SCN10A: variants seen among roughly 807,000 people sequenced by gnomAD.
SCN10A encodes the protein sodium voltage-gated channel alpha subunit 10, also known as sodium channel protein type 10 subunit alpha.
SCN10A carries 162 observed loss-of-function variants against 170.7 expected under a neutral mutation model. That is an observed-to-expected ratio of 0.95 (90% CI 0.84 to 1.08). The LOEUF (loss-of-function observed/expected upper bound fraction) is 1.08, where lower values mean the gene tolerates loss of function less well. Among genes scored for constraint, SCN10A ranks in the 50% least tolerant of loss-of-function variants. The pLI is 0.00. For synonymous variants in SCN10A, 985 were observed against 904.6 expected, an observed-to-expected ratio of 1.09 and a Z score of -1.59; for missense variants, 2,527 against 2,436.9, an observed-to-expected ratio of 1.04 and a Z score of -0.78.
Position 38,698,547 on chromosome 3 carries a change from G to T in SCN10A, c.4673C>A (p.Ala1558Glu). ...VLSIASLIFSAILKSLQSYFS... is the reference protein window; with the variant it reads ...VLSIASLIFSEILKSLQSYFS... Reference sequence around the variant, plus strand: ...GTAACTTTGAAGTGACTTAAGAATTGCAGAAAAAATCAGGCCTTTAAAAGA... The same window carrying T: ...GTAACTTTGAAGTGACTTAAGAATTTCAGAAAAAATCAGGCCTTTAAAAGA... Residue 1558 changes from alanine (A) to glutamate (E), a missense_variant, in exon 28 of 28, where the codon GCA becomes GAA. By Grantham distance (107) the Ala-to-Glu change is moderately radical. Coordinates refer to ENST00000449082, the MANE Select transcript of SCN10A (RefSeq NM_006514.4). The T allele has an allele frequency of 1.2e-6, 2 of 1,608,824 alleles. No homozygotes were observed. The highest frequency in any genetic ancestry group is 2.2e-5 in the South Asian group (2 of 90,858).
At chr3:38,745,721 C>T (rs962444143) in intron 13 of SCN10A, among the ~76,000 whole-genome samples, 2 of 152,070 alleles carry the variant, frequency 1.3e-5, no homozygotes, top group Admixed American at 1.3e-4. Flanking sequence ...GTGACTAAAG[C>T]CCCTGGACCT....
chr3:38,717,689 C>T (rs534302559), intron 21 of SCN10A, among the ~76,000 whole-genome samples: 1 of 152,358 alleles, frequency 6.6e-6, no homozygotes, highest in East Asian at 1.9e-4. Flanking sequence ...GAGGCAAGCA[C>T]CAAATACAGA....
chr3:38,763,715 G>A lies in SCN10A; in HGVS notation c.600-119C>T, dbSNP rs915705626. ...AGAAAGGATGCAGAATGGACACTTAGAATCTAGTGACACTGCCATCTATAG... is the reference window on the plus strand; with the variant it reads ...AGAAAGGATGCAGAATGGACACTTAAAATCTAGTGACACTGCCATCTATAG... On this transcript the variant is annotated intron_variant, in intron 5 of 27. Transcript: ENST00000449082. 8.5e-6 allele frequency: 6 copies of A among 708,982 alleles called. No individual in the cohort carries two copies. In the African/African-American group the frequency reaches 1.0e-4, roughly 12 times the overall value. 43.9% of individuals were successfully genotyped at this position (708,982 alleles called of 1,614,324 possible).
intron 14 of SCN10A, 73 bp from the exon 15 acceptor site, chr3:38,739,761 A>C: frequency 8.3e-7 from 1 of 1,200,828 alleles, no homozygotes; most frequent in Non-Finnish European, 1.2e-6. Context: ...TGGCAGCAAG[A>C]AAATGTCTTA....
Position 38,742,319 on chromosome 3 carries a change from A to C in SCN10A, c.2078T>G (p.Phe693Cys), listed in dbSNP as rs1303027495. ...GTTGCCTATCTGGAGCATGGCTTCGAAGGTAGGGCTCATGCCATGGTGCTC... is the reference window on the plus strand; with the variant it reads ...GTTGCCTATCTGGAGCATGGCTTCGCAGGTAGGGCTCATGCCATGGTGCTC... Reference protein sequence around the residue: ...AMEHHGMSPTFEAMLQIGNIV... With the variant: ...AMEHHGMSPTCEAMLQIGNIV... The change falls in exon 14 of 28, where the codon TTC (phenylalanine) becomes TGC (cysteine). Residue 693 changes from phenylalanine to cysteine, a missense_variant. Phe to Cys is a radical substitution (Grantham distance 205). Transcript: ENST00000449082. The C allele has an allele frequency of 6.2e-7, 1 of 1,613,266 alleles. No individual in the cohort carries two copies. The highest frequency in any genetic ancestry group is 1.3e-5 in the African/African-American group (1 of 74,672).
chr3:38,756,143 A>T (rs537647764), intron 10 of SCN10A, among the ~76,000 whole-genome samples, 185 bp from the exon 11 acceptor site: 1 of 152,270 alleles, frequency 6.6e-6, no homozygotes, highest in East Asian at 1.9e-4. Flanking sequence ...CCACTCATTC[A>T]TGGGGTACTC....
chr3:38,737,798 C>CTCTTTCTTTCTTTCTT (rs1166425687), intron 15 of SCN10A, among the ~76,000 whole-genome samples: 8,578 of 93,454 alleles, frequency 0.092, 515 homozygotes, highest in Middle Eastern at 0.18. Context: ...CCCTCCCTTC[C>CTCTTTCTTTCTTTCTT]TCTTTCTTTC....
At chr3:38,791,970 C>A in intron 3 of SCN10A, 80 bp downstream of exon 3, 1 of 1,532,226 alleles carries the variant, frequency 6.5e-7, no homozygotes, top group Non-Finnish European at 8.8e-7. Flanking sequence ...GGCTCTGTTG[C>A]TAACCTCTAA....
intron 5 of SCN10A, among the ~76,000 whole-genome samples, chr3:38,770,893 T>C (rs2063991316): frequency 6.6e-6 from 1 of 152,202 alleles, no homozygotes; most frequent in Admixed American, 6.5e-5. Context: ...GGCACTTCCC[T>C]TTGCTGTTTC....
chr3:38,777,415 G>T (rs2064088712), intron 4 of SCN10A, among the ~76,000 whole-genome samples: 1 of 152,032 alleles, frequency 6.6e-6, no homozygotes, highest in South Asian at 2.1e-4. Context: ...CTAGGAAAAA[G>T]ACATTATAAA....
At chr3:38,789,976 A>G (rs1363059676) in intron 3 of SCN10A, among the ~76,000 whole-genome samples, 2 of 152,204 alleles carry the variant, frequency 1.3e-5, no homozygotes, top group African/African-American at 4.8e-5. Context: ...CAATTTGAGC[A>G]GAAGTATTTA....
rs2063163016 is a variant in SCN10A, at chr3:38,702,108, T to C, written c.4388A>G (p.Asn1463Ser). ...GTCAAAGACAAAACCCTGGAACTTG[T>C]TCTGAGAAAACAAGAGATAGTGGCA... ...KPQKPIPRPL[N>S]KFQGFVFDIV... is the part of the protein sequence containing the mutation. Residue 1463 changes from asparagine to serine, a missense_variant and splice_region_variant, in exon 27 of 28, where the codon AAC becomes AGC. Physicochemically the swap from Asn to Ser is conservative, Grantham distance 46. Coordinates refer to ENST00000449082, the MANE Select transcript of SCN10A (RefSeq NM_006514.4). 1 of 1,540,714 alleles carries C rather than the reference T, an allele frequency of 6.5e-7. No individual in the cohort carries two copies. The highest frequency in any genetic ancestry group is 1.3e-5 in the South Asian group (1 of 77,226).
intron 1 of SCN10A, among the ~76,000 whole-genome samples, chr3:38,801,968 C>A (rs749167836): frequency 2.0e-5 from 3 of 152,114 alleles, no homozygotes; most frequent in Non-Finnish European, 2.9e-5. Flanking sequence ...TCCATAAACA[C>A]CTCAAAATCA....
chr3:38,806,498 G>T (rs72869624), intron 1 of SCN10A, among the ~76,000 whole-genome samples: 3,625 of 152,218 alleles, frequency 0.024, 113 homozygotes, highest in African/African-American at 0.079. Context: ...GTGTGGTTTT[G>T]TTGAAATAGC....
chr3:38,700,424 A>T (rs72864370), intron 27 of SCN10A, among the ~76,000 whole-genome samples: 4,555 of 152,274 alleles, frequency 0.03, 224 homozygotes, highest in African/African-American at 0.1. Flanking sequence ...TTGCCAAGAG[A>T]ATAAATCTTA....
In SCN10A at chr3:38,733,830, C is replaced by G. The variant is rs182159310; in HGVS notation, c.2281-4929G>C. ...CCGCCTCCCGGGTTCAAGCAATTCTCCTCCCTCAGCCTCCCAAGTAGCTGG... is the reference window on the plus strand; with the variant it reads ...CCGCCTCCCGGGTTCAAGCAATTCTGCTCCCTCAGCCTCCCAAGTAGCTGG... On this transcript the variant is annotated intron_variant, in intron 15 of 27. Transcript: ENST00000449082. Among the ~76,000 whole-genome samples the G allele has an allele frequency of 4.2e-3, 643 of 152,100 alleles. 2 individuals carry two copies. The highest frequency in any genetic ancestry group is 0.015 in the African/African-American group (608 of 41,460).
chr3:38,795,728 C>G (rs1229606236), intron 1 of SCN10A, among the ~76,000 whole-genome samples: 1 of 152,134 alleles, frequency 6.6e-6, no homozygotes, highest in Non-Finnish European at 1.5e-5. Flanking sequence ...TAATGGCACT[C>G]TATCTTTTGT....
intron 27 of SCN10A, 32 bp from the exon 28 acceptor site, chr3:38,698,594 T>C: frequency 2.1e-6 from 3 of 1,403,428 alleles, no homozygotes; most frequent in Non-Finnish European, 3.0e-6. Flanking sequence ...ATCTAATTAG[T>C]ATCTCCAGCC....
intron 4 of SCN10A, among the ~76,000 whole-genome samples, chr3:38,772,676 A>G (rs545818948): frequency 6.6e-6 from 1 of 151,540 alleles, no homozygotes; most frequent in African/African-American, 2.4e-5. Flanking sequence ...GTGACAGAGC[A>G]AGACTTCGTC....
Sources: allele counts gnomAD v4.1 joint callset (sites outside exome capture counted in the v4.1 genomes callset), GRCh38; gene constraint gnomAD v4.1.1; transcripts MANE v1.5; gene names NCBI Gene and HGNC (gene_info 2026-07-23, HGNC 2026-07-21).